The following ARID1B variants were observed in gnomAD, a reference collection of about 807,000 sequenced individuals.
The protein encoded by ARID1B is AT-rich interaction domain 1B.
ARID1B carries 30 observed loss-of-function variants against 212.3 expected under a neutral mutation model. The ratio of observed to expected loss-of-function variants is 0.14; its 90% CI spans 0.11 to 0.19. The LOEUF (loss-of-function observed/expected upper bound fraction) is 0.19. Among genes scored for constraint, ARID1B ranks in the 10% least tolerant of loss-of-function variants. ARID1B has a pLI of 1.00. For synonymous variants in ARID1B, 1,402 were observed against 1,301.7 expected, an observed-to-expected ratio of 1.08 and a Z score of -1.66; for missense variants, 2,891 against 3,204.0, an observed-to-expected ratio of 0.90 and a Z score of 2.36.
Position 157,053,045 on chromosome 6 carries a change from T to G in ARID1B, c.2248-31617T>G, listed in dbSNP as rs540383298. On this transcript the variant is annotated intron_variant, in intron 4 of 19. Transcript: ENST00000636930. ...AAGAGCAGTTTTTACCAGCCTGATT[T>G]ACAACAGTGCAAAATATCATGAAGA... Among the ~76,000 whole-genome samples, 9 of 151,906 alleles carry G rather than the reference T, an allele frequency of 5.9e-5. No homozygotes were observed. In the South Asian group the frequency reaches 1.7e-3, roughly 28 times the overall value.
intron 1 of ARID1B, among the ~76,000 whole-genome samples, chr6:156,800,836 T>C (rs1780729092): frequency 6.6e-6 from 1 of 151,780 alleles, no homozygotes; most frequent in South Asian, 2.1e-4. Flanking sequence ...AGCTCAGGAG[T>C]TCGAGGTTGT....
At chr6:156,856,549 C>T (rs1374946723) in intron 2 of ARID1B, among the ~76,000 whole-genome samples, 3 of 152,196 alleles carry the variant, frequency 2.0e-5, no homozygotes, top group Non-Finnish European at 4.4e-5. Flanking sequence ...TTAACCACTG[C>T]TCCATGCTGC....
In ARID1B at chr6:156,778,891, G is replaced by C; in HGVS notation, c.1211G>C (p.Gly404Ala). 1 of 1,210,060 alleles carries C rather than the reference G, an allele frequency of 8.3e-7. No homozygotes were observed. Among genetic ancestry groups the C allele is most frequent in the Non-Finnish European group, 1.1e-6 (1 of 951,716 alleles). 75.0% of individuals were successfully genotyped at this position (1,210,060 alleles called of 1,614,324 possible). Reference sequence around the variant, plus strand: ...GGCGGCGGAGGAGGAGGAGGCAGCGGAGGAGGAGGAGGAGGAGGAGGAGCA... The same window carrying C: ...GGCGGCGGAGGAGGAGGAGGCAGCGCAGGAGGAGGAGGAGGAGGAGGAGCA... ...GGGGGGGGGS[G>A]GGGGGGGAGA... The change falls in exon 1 of 20, where the codon GGA (glycine) becomes GCA (alanine). Residue 404 changes from glycine to alanine, a missense_variant. Gly to Ala is a moderately conservative substitution (Grantham distance 60). This residue lies in a region of ARID1B where 1,643 missense variants were observed against 1,544.0 expected (regional missense o/e 1.06). Coordinates refer to ENST00000636930, the MANE Select transcript of ARID1B (RefSeq NM_001374828.1).
At chr6:156,826,644 T>A (rs1782760032) in intron 1 of ARID1B, among the ~76,000 whole-genome samples, 1 of 152,166 alleles carries the variant, frequency 6.6e-6, no homozygotes, top group African/African-American at 2.4e-5. Flanking sequence ...TCTGTGCTCC[T>A]GCCTTCCATC....
At chr6:156,897,058 G>T (rs1367817351) in intron 2 of ARID1B, among the ~76,000 whole-genome samples, 1 of 152,002 alleles carries the variant, frequency 6.6e-6, no homozygotes, top group Non-Finnish European at 1.5e-5. Flanking sequence ...GTTCTTTATT[G>T]GGATAATTTT....
At chr6:157,046,692 A>G (rs1376603313) in intron 4 of ARID1B, among the ~76,000 whole-genome samples, 1 of 152,210 alleles carries the variant, frequency 6.6e-6, no homozygotes, top group Non-Finnish European at 1.5e-5. Flanking sequence ...ATTGTTGTCC[A>G]CAAACAAATC....
intron 4 of ARID1B, chr6:157,072,666 AGTTTTCTTATTTCCT>A (rs1379297505): frequency 6.6e-6 from 1 of 152,216 alleles, no homozygotes; most frequent in Non-Finnish European, 1.5e-5. Flanking sequence ...TACAATGTCC[AGTTTTCTTATTTCCT>A]GTTTTAAATT....
At chr6:157,097,096 G>A (rs1785694248) in intron 5 of ARID1B, among the ~76,000 whole-genome samples, 1 of 152,112 alleles carries the variant, frequency 6.6e-6, no homozygotes. Flanking sequence ...TTAAAAGTAT[G>A]AGTTTTATGC....
At chr6:157,140,893 C>G (rs964872209) in intron 7 of ARID1B, 2 of 385,010 alleles carry the variant, frequency 5.2e-6, no homozygotes, top group African/African-American at 4.1e-5. Context: ...CATCATCACT[C>G]TCGTCACCTC....
chr6:156,779,175 A>T lies in ARID1B; in HGVS notation c.1495A>T (p.Thr499Ser). The change falls in exon 1 of 20, where the codon ACC becomes TCC. Residue 499 changes from threonine to serine, a missense_variant. By Grantham distance (58) the Thr-to-Ser change is moderately conservative. This residue lies in a region of ARID1B where 1,643 missense variants were observed against 1,544.0 expected (regional missense o/e 1.06). Coordinates refer to ENST00000636930, the MANE Select transcript of ARID1B (RefSeq NM_001374828.1). ...AGQNQHPSGATPTLNQLLTSP... is the reference protein window; with the variant it reads ...AGQNQHPSGASPTLNQLLTSP... ...CCAGAACCAGCACCCGTCGGGGGCC[A>T]CCCCGACCCTCAATCAGCTGCTCAC... is the stretch of plus-strand genomic sequence containing the variant. The T allele has an allele frequency of 1.5e-6, 2 of 1,318,708 alleles. No homozygotes were observed. Among genetic ancestry groups the T allele is most frequent in the Non-Finnish European group, 1.9e-6 (2 of 1,025,930 alleles). The allele number at this position is 1,318,708 out of a possible 1,614,324, so 81.7% of individuals were successfully genotyped here. A position where few individuals can be genotyped will look rare whatever the true frequency, so the allele number is the denominator to read the frequency against.
intron 4 of ARID1B, among the ~76,000 whole-genome samples, chr6:157,012,046 T>G (rs1021960332): frequency 1.3e-5 from 2 of 152,202 alleles, no homozygotes; most frequent in African/African-American, 4.8e-5. Context: ...AAAATAGCAA[T>G]TTAGCAAGAC....
In ARID1B at chr6:156,778,180, A is replaced by G. The variant is rs1562375202; in HGVS notation, c.500A>G (p.His167Arg). 4.6e-6 allele frequency: 7 copies of G among 1,532,956 alleles called. No homozygotes were observed. The highest frequency in any genetic ancestry group is 6.1e-6 in the Non-Finnish European group (7 of 1,142,624). The allele number at this position is 1,532,956 out of a possible 1,614,324, so 95.0% of individuals were successfully genotyped here. A position where few individuals can be genotyped will look rare whatever the true frequency, so the allele number is the denominator to read the frequency against. The change falls in exon 1 of 20, where the codon CAC becomes CGC. Residue 167 changes from histidine (H) to arginine (R), a missense_variant. Physicochemically the swap from His to Arg is conservative, Grantham distance 29. Coordinates refer to ENST00000636930, the MANE Select transcript of ARID1B (RefSeq NM_001374828.1). Reference protein sequence around the residue: ...EAPAAPPHQQHHHHHHAHHHH... With the variant: ...EAPAAPPHQQRHHHHHAHHHH... ...CCCGCCGCGCCGCCCCACCAGCAGC[A>G]CCACCACCACCACCATGCCCACCAC...
chr6:156,795,941 T>A (rs1324479930), intron 1 of ARID1B, among the ~76,000 whole-genome samples: 1 of 152,170 alleles, frequency 6.6e-6, no homozygotes, highest in Non-Finnish European at 1.5e-5. Context: ...AAATTTCACG[T>A]AAGCGGTCCT....
At chr6:156,920,990 G>A (rs1300342686) in intron 3 of ARID1B, among the ~76,000 whole-genome samples, 1 of 152,028 alleles carries the variant, frequency 6.6e-6, no homozygotes, top group Non-Finnish European at 1.5e-5. Flanking sequence ...GAGTAGCTGA[G>A]GGATTACAGG....
At chr6:157,033,004 A>T (rs1290271139) in intron 4 of ARID1B, among the ~76,000 whole-genome samples, 1 of 152,212 alleles carries the variant, frequency 6.6e-6, no homozygotes, top group Non-Finnish European at 1.5e-5. Context: ...CTCCCTTGGC[A>T]ATGAAAATTT....
At chr6:156,957,874 G>T (rs954037989) in intron 4 of ARID1B, among the ~76,000 whole-genome samples, 6 of 152,138 alleles carry the variant, frequency 3.9e-5, no homozygotes, top group African/African-American at 1.4e-4. Flanking sequence ...CCATCTTGCT[G>T]CCCCTTCCAA....
intron 4 of ARID1B, among the ~76,000 whole-genome samples, chr6:156,966,762 G>A (rs1446280052): frequency 2.0e-5 from 3 of 151,984 alleles, no homozygotes; most frequent in Admixed American, 6.6e-5. Context: ...GTGCAGTGGC[G>A]CGATCTCGGC....
At chr6:157,188,981 T>C (rs751896063) in intron 13 of ARID1B, among the ~76,000 whole-genome samples, 1 of 152,182 alleles carries the variant, frequency 6.6e-6, no homozygotes, top group Non-Finnish European at 1.5e-5. Context: ...GATAACAGCA[T>C]TAAAAAAACG....
intron 3 of ARID1B, among the ~76,000 whole-genome samples, chr6:156,903,208 ATAC>A (rs1330096407): frequency 2.0e-5 from 3 of 152,248 alleles, no homozygotes; most frequent in Non-Finnish European, 4.4e-5. Flanking sequence ...TATTTAAAGC[ATAC>A]TACAAGTAAA....
Sources: gnomAD v4.1 joint callset for allele counts (sites outside exome capture counted in the v4.1 genomes callset) on GRCh38, gnomAD v4.1.1 for gene constraint, gnomAD v4.1.1 regional missense constraint, MANE v1.5 for transcripts, NCBI Gene and HGNC (gene_info 2026-07-23, HGNC 2026-07-21) for gene names.